Variants in LNX1 observed in about 807,000 individuals in gnomAD.
LNX1 encodes ligand of numb-protein X 1.
In LNX1, 54 loss-of-function variants were observed where a neutral mutation model predicts 68.4. The observed-to-expected ratio is 0.79, with a 90% CI of 0.63 to 0.99. The LOEUF (loss-of-function observed/expected upper bound fraction) is 0.99. Ranked by LOEUF, LNX1 falls within the 50% of genes least tolerant of loss-of-function variation. The probability of loss-of-function intolerance (pLI) is 0.00; values close to 1 mark genes in which losing one functional copy is unlikely to be tolerated. For synonymous variants in LNX1, 336 were observed against 350.0 expected (o/e 0.96, Z 0.45); for missense variants, 906 against 926.4 (o/e 0.98, Z 0.29).
At chr4:53,525,164 C>T (rs1038833274) in intron 2 of LNX1, among the ~76,000 whole-genome samples, 6 of 152,196 alleles carry the variant, frequency 3.9e-5, no homozygotes, top group African/African-American at 7.2e-5. Flanking sequence ...AATCCCCTTT[C>T]GTTACACATT....
intron 6 of LNX1, among the ~76,000 whole-genome samples, chr4:53,484,292 T>G (rs1357556805): frequency 6.6e-6 from 1 of 152,146 alleles, no homozygotes; most frequent in Admixed American, 6.5e-5. Flanking sequence ...AACTAGGACC[T>G]TGTTTTAAAA....
intron 4 of LNX1, among the ~76,000 whole-genome samples, chr4:53,499,806 C>T (rs2077302387): frequency 1.3e-5 from 2 of 152,154 alleles, no homozygotes. Flanking sequence ...AAGAAGAGGC[C>T]AAGGCCTAGT....
chr4:53,578,960 A>C (rs959352556), intron 1 of LNX1, among the ~76,000 whole-genome samples: 1 of 151,186 alleles, frequency 6.6e-6, no homozygotes, highest in Non-Finnish European at 1.5e-5. Context: ...TCTTATTTGC[A>C]GTGTATAGCT....
At chr4:53,612,645 C>A (rs1456793851) in intron 2 of LNX1, among the ~76,000 whole-genome samples, 4 of 150,054 alleles carry the variant, frequency 2.7e-5, no homozygotes, top group African/African-American at 9.7e-5. Flanking sequence ...TATAGCGAGA[C>A]CCTGTCTCTA....
At chr4:53,529,876 A>G (rs766593687) in intron 2 of LNX1, among the ~76,000 whole-genome samples, 4 of 152,236 alleles carry the variant, frequency 2.6e-5, no homozygotes, top group South Asian at 2.1e-4. Context: ...ACAGTTCTCA[A>G]AAAGCTTCTC....
At chr4:53,492,655 C>T (rs76305068) in intron 6 of LNX1, among the ~76,000 whole-genome samples, 2,353 of 152,114 alleles carry the variant, frequency 0.015, 25 homozygotes, top group Middle Eastern at 0.061. Context: ...AGGCTCCAGC[C>T]GTCACTCAGA....
intron 4 of LNX1, among the ~76,000 whole-genome samples, chr4:53,500,770 A>G (rs571257073): frequency 6.6e-6 from 1 of 152,326 alleles, no homozygotes; most frequent in Non-Finnish European, 1.5e-5. Flanking sequence ...GAGTTCAATT[A>G]ATGTTTAAAC....
chr4:53,466,165 AAT>A (rs1194852201), intron 9 of LNX1, among the ~76,000 whole-genome samples: 1 of 152,186 alleles, frequency 6.6e-6, no homozygotes, highest in East Asian at 1.9e-4. Flanking sequence ...AGAAAAAAAA[AAT>A]CACATATTAT....
chr4:53,472,685 C>CA (rs1309297098), intron 9 of LNX1, among the ~76,000 whole-genome samples: 1,010 of 74,718 alleles, frequency 0.014, 9 homozygotes, highest in South Asian at 0.038. Flanking sequence ...ACAACAACAA[C>CA]AAAAAAAAAA....
upstream of LNX1, among the ~76,000 whole-genome samples, chr4:53,619,293 A>T (rs1176719313): frequency 6.6e-6 from 1 of 152,198 alleles, no homozygotes; most frequent in East Asian, 1.9e-4. Flanking sequence ...TTCATTTCAG[A>T]ACACTTTCAT....
chr4:53,550,919 C>A (rs1246739635), intron 2 of LNX1, among the ~76,000 whole-genome samples: 3 of 152,200 alleles, frequency 2.0e-5, no homozygotes, highest in Non-Finnish European at 4.4e-5. Context: ...TGGAGGCAAG[C>A]AACCTCCCCA....
intron 2 of LNX1, among the ~76,000 whole-genome samples, chr4:53,607,702 A>C (rs1733289490): frequency 6.6e-6 from 1 of 152,248 alleles, no homozygotes; most frequent in Admixed American, 6.5e-5. Flanking sequence ...TGGAGGCATC[A>C]TATTACCCAA....
chr4:53,495,548 C>CTTTTTTTTTTTTTTTTTTTTTTTTTT lies in LNX1; in HGVS notation c.1350+474_1350+475insAAAAAAAAAAAAAAAAAAAAAAAAAA, dbSNP rs199684639. ...GATCCCTGGAGAATGCATGGCATAG[C>CTTTTTTTTTTTTTTTTTTTTTTTTTT]TTTTTTTTTTTTTAAGATGGGTCTT... On this transcript the variant is annotated intron_variant, in intron 6 of 10. Transcript: ENST00000263925. Among the ~76,000 whole-genome samples, 93 of 119,322 alleles carry CTTTTTTTTTTTTTTTTTTTTTTTTTT rather than the reference C, an allele frequency of 7.8e-4. 4 individuals carry two copies. Among genetic ancestry groups the CTTTTTTTTTTTTTTTTTTTTTTTTTT allele is most frequent in the East Asian group, 2.5e-3 (9 of 3,644 alleles). 78.3% of individuals were successfully genotyped at this position (119,322 alleles called of 152,430 possible). A position where few individuals can be genotyped will look rare whatever the true frequency, so the allele number is the denominator to read the frequency against.
chr4:53,473,116 TAACC>T (rs1723345940), intron 9 of LNX1, among the ~76,000 whole-genome samples: 1 of 152,128 alleles, frequency 6.6e-6, no homozygotes, highest in South Asian at 2.1e-4. Context: ...AGAAAATTGA[TAACC>T]AACCATATTA....
chr4:53,552,382 G>A (rs1267070873), intron 2 of LNX1, among the ~76,000 whole-genome samples: 4 of 152,162 alleles, frequency 2.6e-5, no homozygotes, highest in Non-Finnish European at 5.9e-5. Context: ...AAGGATGATA[G>A]GAACTAAAAG....
chr4:53,645,192 C>A (rs1362211946), intron 1 of LNX1, among the ~76,000 whole-genome samples: 7 of 152,118 alleles, frequency 4.6e-5, no homozygotes, highest in Admixed American at 3.3e-4. Flanking sequence ...GGCCCTTACA[C>A]AAATTAAGAA....
chr4:53,510,644 C>G (rs144132490), intron 2 of LNX1, among the ~76,000 whole-genome samples: 4 of 152,336 alleles, frequency 2.6e-5, no homozygotes, highest in African/African-American at 9.6e-5. Flanking sequence ...AGCCAACTTG[C>G]ATTTGAGCGG....
At chr4:53,524,222 A>G (rs1727451838) in intron 2 of LNX1, 2 of 152,170 alleles carry the variant, frequency 1.3e-5, no homozygotes, top group Admixed American at 6.5e-5. Context: ...CCTTGATGGC[A>G]CTATGGTCAT....
At chr4:53,533,767 T>C (rs1167326940) in intron 2 of LNX1, among the ~76,000 whole-genome samples, 4 of 152,330 alleles carry the variant, frequency 2.6e-5, no homozygotes, top group Non-Finnish European at 5.9e-5. Flanking sequence ...AGGACAGGGA[T>C]ACTGCTAAAC....
Sources: gnomAD v4.1 joint callset for allele counts (sites outside exome capture counted in the v4.1 genomes callset) on GRCh38, gnomAD v4.1.1 for gene constraint, MANE v1.5 for transcripts, NCBI Gene and HGNC (gene_info 2026-07-23, HGNC 2026-07-21) for gene names.